Variants in ANXA11 observed in about 807,000 individuals in gnomAD.
The protein encoded by ANXA11 is 56 kDa autoantigen.
Under a neutral mutation model 64.7 loss-of-function variants are expected in ANXA11, and 57 were observed. The observed-to-expected ratio is 0.88, with a 90% CI of 0.71 to 1.10. The LOEUF (loss-of-function observed/expected upper bound fraction) is 1.10, where lower values mean the gene tolerates loss of function less well. ANXA11 is among the 50% of genes least tolerant of loss of function. The probability of loss-of-function intolerance (pLI) is 0.00; values close to 1 mark genes in which losing one functional copy is unlikely to be tolerated. For missense variants in ANXA11, 675 were observed against 670.7 expected (o/e 1.01, Z -0.07); for synonymous variants, 260 against 265.2 (o/e 0.98, Z 0.19).
At chr10:80,178,997 C>CA (rs1846267289) in intron 1 of ANXA11, among the ~76,000 whole-genome samples, 1 of 152,222 alleles carries the variant, frequency 6.6e-6, no homozygotes, top group African/African-American at 2.4e-5. Context: ...CATCTGATCT[C>CA]ACTCTTTGAC....
In ANXA11 at chr10:80,163,518, G is replaced by A; in HGVS notation, c.1029+16C>T. 1 of 1,591,128 alleles carries A rather than the reference G, an allele frequency of 6.3e-7. No individual in the cohort carries two copies. The highest frequency in any genetic ancestry group is 8.6e-7 in the Non-Finnish European group (1 of 1,168,002). On this transcript the variant is annotated intron_variant, in intron 10 of 15. Coordinates refer to ENST00000422982, the MANE Select transcript of ANXA11 (RefSeq NM_145868.2). ...CCATGGCTTGGGGGCCCCGAGCCCT[G>A]TCGTGGGAAAAGTACCTGAGAGAGA...
intron 2 of ANXA11, among the ~76,000 whole-genome samples, chr10:80,174,086 G>T (rs1048264677): frequency 2.0e-5 from 3 of 151,838 alleles, no homozygotes; most frequent in Non-Finnish European, 4.4e-5. Context: ...ACAGGGTCTC[G>T]CTCTGTCACC....
intron 1 of ANXA11, among the ~76,000 whole-genome samples, chr10:80,194,021 G>A (rs1846885647): frequency 6.6e-6 from 1 of 151,828 alleles, no homozygotes; most frequent in Non-Finnish European, 1.5e-5. Context: ...GTTTCGCCAT[G>A]TTGACCAGCC....
intron 7 of ANXA11, 112 bp downstream of exon 7, chr10:80,166,778 C>T (rs1309297331): frequency 9.6e-6 from 8 of 836,210 alleles, no homozygotes; most frequent in Non-Finnish European, 1.3e-5. Flanking sequence ...CCTCCTGCTC[C>T]TTACTGTCCA....
chr10:80,199,194 T>C (rs770776125), intron 1 of ANXA11, among the ~76,000 whole-genome samples: 1 of 149,116 alleles, frequency 6.7e-6, no homozygotes, highest in Non-Finnish European at 1.5e-5. Context: ...GCCTCCCGGG[T>C]TCATGCCATT....
chr10:80,167,757 G>A (rs991146146), intron 5 of ANXA11, among the ~76,000 whole-genome samples: 3 of 152,228 alleles, frequency 2.0e-5, no homozygotes, highest in Non-Finnish European at 4.4e-5. Context: ...CAGGTATTGA[G>A]CCTCCACAAC....
rs1204554536 is a variant in ANXA11 at position 80,151,190 on chromosome 10, T to C, written c.*4663A>G. ...GGATGTTTGACTCTCAGGTCAGAGC[T>C]CTTTCTGCTTCAGGACTTCATCAGC... On this transcript the variant is annotated 3_prime_UTR_variant, in exon 16 of 16. Coordinates refer to ENST00000422982, the MANE Select transcript of ANXA11 (RefSeq NM_145868.2). 1 of 152,186 alleles carries C rather than the reference T, an allele frequency of 6.6e-6. No homozygotes were observed. Among genetic ancestry groups the C allele is most frequent in the Non-Finnish European group, 1.5e-5 (1 of 68,044 alleles). 9.4% of individuals were successfully genotyped at this position (152,186 alleles called of 1,614,324 possible).
Position 80,155,386 on chromosome 10 carries a change from G to C in ANXA11, c.*467C>G, listed in dbSNP as rs527498246. 7.7e-4 allele frequency: 121 copies of C among 157,216 alleles called. 1 individual carries two copies. The highest frequency in any genetic ancestry group is 1.4e-3 in the Non-Finnish European group (99 of 70,800). The allele number at this position is 157,216 out of a possible 1,614,324, so 9.7% of individuals were successfully genotyped here. A position where few individuals can be genotyped will look rare whatever the true frequency, so the allele number is the denominator to read the frequency against. On this transcript the variant is annotated 3_prime_UTR_variant, in exon 16 of 16. Coordinates refer to ENST00000422982, the MANE Select transcript of ANXA11 (RefSeq NM_145868.2). ...ACCAGATGCACAGGCTACCTTCTCAGGCACGCCTCCCTTTCTCTCCTCAGC... is the reference window on the plus strand; with the variant it reads ...ACCAGATGCACAGGCTACCTTCTCACGCACGCCTCCCTTTCTCTCCTCAGC...
upstream of ANXA11, chr10:80,205,668 G>A (rs1043942271): frequency 6.6e-6 from 1 of 152,284 alleles, no homozygotes; most frequent in East Asian, 1.9e-4. Context: ...CTGCGGAGCT[G>A]CTCCAGGAAG....
intron 3 of ANXA11, chr10:80,171,918 C>T: frequency 1.0e-6 from 1 of 985,528 alleles, no homozygotes; most frequent in Non-Finnish European, 1.2e-6. Context: ...TGGCCCAGCT[C>T]AGCCCCTAAC....
rs530652791 is a variant in ANXA11 at position 80,168,971 on chromosome 10, G to T, written c.559C>A (p.Gln187Lys). The change falls in exon 5 of 16, where the codon CAG (glutamine) becomes AAG (lysine). Residue 187 changes from glutamine (Q) to lysine (K), a missense_variant and splice_region_variant. Transcript: ENST00000422982. ...GGAGGCAGTGGGCTGACACTCACCT[G>T]GGTTGGGGGCACAGCGGGGGTGACA... Reference protein sequence around the residue: ...GTVTPAVPPTQFGSRGTITDA... With the variant: ...GTVTPAVPPTKFGSRGTITDA... 1.3e-6 allele frequency: 2 copies of T among 1,530,094 alleles called. No individual in the cohort carries two copies. Among genetic ancestry groups the T allele is most frequent in the East Asian group, 2.3e-5 (1 of 43,586 alleles). 94.8% of individuals were successfully genotyped at this position (1,530,094 alleles called of 1,614,324 possible).
At chr10:80,176,894 T>A (rs897118615) in intron 1 of ANXA11, among the ~76,000 whole-genome samples, 1 of 152,106 alleles carries the variant, frequency 6.6e-6, no homozygotes, top group African/African-American at 2.4e-5. Flanking sequence ...CCCCAAGATA[T>A]ACCTCTAGTC....
In ANXA11 at chr10:80,155,785, A is replaced by G. The variant is rs962558601; in HGVS notation, c.*68T>C. Reference sequence around the variant, plus strand: ...ATTTGTGGATTTGTTAGAAACAGACATTCTTTTGGCCTTTTCCTGGCACTG... The same window carrying G: ...ATTTGTGGATTTGTTAGAAACAGACGTTCTTTTGGCCTTTTCCTGGCACTG... On this transcript the variant is annotated 3_prime_UTR_variant, in exon 16 of 16. Transcript: ENST00000422982. 55 of 1,443,550 alleles carry G rather than the reference A, an allele frequency of 3.8e-5. No homozygotes were observed. The highest frequency in any genetic ancestry group is 6.7e-5 in the Admixed American group (4 of 59,588). 89.4% of individuals were successfully genotyped at this position (1,443,550 alleles called of 1,614,324 possible).
intron 8 of ANXA11, among the ~76,000 whole-genome samples, chr10:80,165,358 G>GTGCACACAGAGCTGTGGGAC (rs1216194581): frequency 6.6e-6 from 1 of 152,196 alleles, no homozygotes; most frequent in African/African-American, 2.4e-5. Context: ...TGCCTGCAGG[G>GTGCACACAGAGCTGTGGGAC]TGCACACAGA....
rs930274114 is a variant in ANXA11 at position 80,205,476 on chromosome 10, G to A, written c.-191C>T. 10 of 152,068 alleles carry A rather than the reference G, an allele frequency of 6.6e-5. No homozygotes were observed. Among genetic ancestry groups the A allele is most frequent in the African/African-American group, 2.2e-4 (9 of 41,518 alleles). The allele number at this position is 152,068 out of a possible 1,614,324, so 9.4% of individuals were successfully genotyped here. A position where few individuals can be genotyped will look rare whatever the true frequency, so the allele number is the denominator to read the frequency against. ...CCCACTCCCGCTCGCGGGGCCCGCG[G>A]GGCACTCGGGGCACTGGGGAGCCGC... is the stretch of plus-strand genomic sequence containing the variant. On this transcript the variant is annotated 5_prime_UTR_variant, in exon 1 of 16. Transcript: ENST00000422982.
chr10:80,182,337 G>A lies in ANXA11; in HGVS notation c.-57-6182C>T, dbSNP rs142063814. ...AAAAGGAATACAAGCACACTGTAGG[G>A]AAATTCAAACAGAATAGAAACACAC... On this transcript the variant is annotated intron_variant, in intron 1 of 15. Coordinates refer to ENST00000422982, the MANE Select transcript of ANXA11 (RefSeq NM_145868.2). Among the ~76,000 whole-genome samples, 209 of 152,106 alleles carry A rather than the reference G, an allele frequency of 1.4e-3. 1 individual carries two copies. Among genetic ancestry groups the A allele is most frequent in the African/African-American group, 4.6e-3 (192 of 41,468 alleles).
rs1376873211 is a variant in ANXA11 at position 80,205,529 on chromosome 10, G to A, written c.-244C>T. The A allele has an allele frequency of 2.6e-5, 4 of 152,082 alleles. No homozygotes were observed. Among genetic ancestry groups the A allele is most frequent in the Admixed American group, 2.0e-4 (3 of 15,284 alleles). 9.4% of individuals were successfully genotyped at this position (152,082 alleles called of 1,614,324 possible). A position where few individuals can be genotyped will look rare whatever the true frequency, so the allele number is the denominator to read the frequency against. ...GCGCAGCAGCCGTCAGCGCCGGGCG[G>A]AAAACTCCGCGGGCGCGGCTGCCCC... is the stretch of plus-strand genomic sequence containing the variant. On this transcript the variant is annotated 5_prime_UTR_variant, in exon 1 of 16. Transcript: ENST00000422982.
chr10:80,166,692 C>G, intron 7 of ANXA11, 198 bp downstream of exon 7: 1 of 590,138 alleles, frequency 1.7e-6, no homozygotes, highest in Middle Eastern at 4.5e-4. Flanking sequence ...TCTGGAGCCT[C>G]TCAGCAAACC....
At chr10:80,181,830 C>T (rs937185002) in intron 1 of ANXA11, among the ~76,000 whole-genome samples, 8 of 152,312 alleles carry the variant, frequency 5.3e-5, no homozygotes, top group Middle Eastern at 3.4e-3. Context: ...TTTCATTCAT[C>T]GCTGGTGGGG....
Sources: allele counts gnomAD v4.1 joint callset (sites outside exome capture counted in the v4.1 genomes callset), GRCh38; gene constraint gnomAD v4.1.1; transcripts MANE v1.5; gene names NCBI Gene and HGNC (gene_info 2026-07-23, HGNC 2026-07-21).